SNTB1: variants seen among roughly 807,000 people sequenced by gnomAD.
SNTB1 encodes beta-1-syntrophin.
In SNTB1, 36 loss-of-function variants were observed where a neutral mutation model predicts 48.9. The observed-to-expected ratio is 0.74, with a 90% confidence interval of 0.56 to 0.97. The LOEUF (loss-of-function observed/expected upper bound fraction) is 0.97, where lower values mean the gene tolerates loss of function less well. Ranked by LOEUF, SNTB1 falls within the 50% of genes least tolerant of loss-of-function variation. SNTB1 has a pLI of 0.00. For synonymous variants in SNTB1, 299 were observed against 294.6 expected, an observed-to-expected ratio of 1.01 and a Z score of -0.15; for missense variants, 786 against 703.4, an observed-to-expected ratio of 1.12 and a Z score of -1.33.
intron 2 of SNTB1, among the ~76,000 whole-genome samples, chr8:120,683,708 C>T (rs78473641): frequency 1.3e-5 from 2 of 152,156 alleles, no homozygotes; most frequent in Non-Finnish European, 2.9e-5. Flanking sequence ...TTAAAAATGT[C>T]TGTGAAAGAA....
At chr8:120,747,533 C>T (rs768066915) in intron 1 of SNTB1, among the ~76,000 whole-genome samples, 6 of 152,124 alleles carry the variant, frequency 3.9e-5, no homozygotes, top group South Asian at 2.1e-4. Context: ...TCTATTGATC[C>T]GCCTGCCTCA....
At chr8:120,598,635 T>C (rs1388519595) in intron 3 of SNTB1, among the ~76,000 whole-genome samples, 1 of 152,158 alleles carries the variant, frequency 6.6e-6, no homozygotes, top group East Asian at 1.9e-4. Context: ...CTGTAACACA[T>C]TACCATAAAC....
chr8:120,793,541 T>C (rs1050555968), intron 1 of SNTB1, among the ~76,000 whole-genome samples: 24 of 152,158 alleles, frequency 1.6e-4, no homozygotes, highest in Non-Finnish European at 2.8e-4. Context: ...TCTATCAGGA[T>C]ACAATCTATG....
intron 2 of SNTB1, among the ~76,000 whole-genome samples, chr8:120,676,718 A>C (rs988315536): frequency 5.3e-5 from 8 of 152,168 alleles, no homozygotes; most frequent in African/African-American, 1.7e-4. Flanking sequence ...GATAACTAGG[A>C]AAAAAATGAC....
chr8:120,792,744 T>A (rs1037095028), intron 1 of SNTB1, among the ~76,000 whole-genome samples: 6 of 152,010 alleles, frequency 3.9e-5, no homozygotes, highest in Non-Finnish European at 7.4e-5. Context: ...GGATTTTATT[T>A]TACGAAAAGG....
intron 1 of SNTB1, among the ~76,000 whole-genome samples, chr8:120,741,909 T>C (rs1414710845): frequency 6.6e-6 from 1 of 152,220 alleles, no homozygotes; most frequent in Non-Finnish European, 1.5e-5. Flanking sequence ...CCATAAAGAC[T>C]GTATGTGACA....
At chr8:120,636,679 T>C (rs1032953278) in intron 2 of SNTB1, among the ~76,000 whole-genome samples, 1 of 151,368 alleles carries the variant, frequency 6.6e-6, no homozygotes, top group Non-Finnish European at 1.5e-5. Context: ...TCTTTGCTAT[T>C]GTGAATAATG....
At chr8:120,541,165 C>A (rs1249297353) in intron 6 of SNTB1, 1 of 152,142 alleles carries the variant, frequency 6.6e-6, no homozygotes, top group Non-Finnish European at 1.5e-5. Context: ...CAGGCAGAAA[C>A]CATCTCAGGA....
intron 1 of SNTB1, among the ~76,000 whole-genome samples, chr8:120,786,762 CT>C (rs934508762): frequency 6.6e-6 from 1 of 152,152 alleles, no homozygotes; most frequent in Non-Finnish European, 1.5e-5. Context: ...TCCCTTCCCC[CT>C]GAAATACCTC....
chr8:120,563,420 G>A (rs79570353), intron 4 of SNTB1, among the ~76,000 whole-genome samples: 1,987 of 152,096 alleles, frequency 0.013, 53 homozygotes, highest in African/African-American at 0.046. Context: ...CTTCCTGAGC[G>A]CACTGCTATA....
chr8:120,777,215 T>C (rs963442144), intron 1 of SNTB1, among the ~76,000 whole-genome samples: 1 of 152,296 alleles, frequency 6.6e-6, no homozygotes, highest in South Asian at 2.1e-4. Flanking sequence ...CCTTACACCA[T>C]GGATAAATAG....
chr8:120,632,275 C>T (rs1432764215), intron 3 of SNTB1, among the ~76,000 whole-genome samples, 169 bp downstream of exon 3: 1 of 152,122 alleles, frequency 6.6e-6, no homozygotes, highest in African/African-American at 2.4e-5. Context: ...TTGATTAAGA[C>T]AAAACCCATG....
intron 2 of SNTB1, among the ~76,000 whole-genome samples, chr8:120,686,158 C>T (rs981574082): frequency 2.0e-5 from 3 of 152,362 alleles, no homozygotes; most frequent in South Asian, 2.1e-4. Context: ...TCTCCTTTCA[C>T]AGCATTGTAC....
intron 1 of SNTB1, among the ~76,000 whole-genome samples, chr8:120,702,760 A>T (rs1229003020): frequency 6.6e-6 from 1 of 152,208 alleles, no homozygotes; most frequent in Non-Finnish European, 1.5e-5. Flanking sequence ...CTCAAAGTTG[A>T]ATGACTACTT....
intron 2 of SNTB1, among the ~76,000 whole-genome samples, chr8:120,678,243 T>C (rs928197718): frequency 6.6e-6 from 1 of 152,176 alleles, no homozygotes; most frequent in Non-Finnish European, 1.5e-5. Flanking sequence ...TTCCTCTCCT[T>C]ATATCCCGTC....
intron 2 of SNTB1, among the ~76,000 whole-genome samples, chr8:120,648,804 C>T (rs1219818108): frequency 6.6e-6 from 1 of 152,322 alleles, no homozygotes; most frequent in Non-Finnish European, 1.5e-5. Flanking sequence ...TCAGGTACAC[C>T]AATCAGATGT....
chr8:120,663,399 CAAG>C (rs1283306732), intron 2 of SNTB1, among the ~76,000 whole-genome samples: 1 of 152,168 alleles, frequency 6.6e-6, no homozygotes, highest in African/African-American at 2.4e-5. Context: ...ATGGAATGTG[CAAG>C]AAGTTCTTTT....
chr8:120,721,075 T>A (rs1300758609), intron 1 of SNTB1, among the ~76,000 whole-genome samples: 2 of 152,194 alleles, frequency 1.3e-5, no homozygotes, highest in Non-Finnish European at 2.9e-5. Flanking sequence ...GTTAGACTTT[T>A]AGGGAAAGCT....
chr8:120,545,887 A>G (rs899433285), intron 5 of SNTB1, among the ~76,000 whole-genome samples: 1 of 152,252 alleles, frequency 6.6e-6, no homozygotes, highest in African/African-American at 2.4e-5. Flanking sequence ...GTACTTATTG[A>G]CAACAACCCT....
Sources: allele counts gnomAD v4.1 joint callset (sites outside exome capture counted in the v4.1 genomes callset), GRCh38; gene constraint gnomAD v4.1.1; transcripts MANE v1.5; gene names NCBI Gene and HGNC (gene_info 2026-07-23, HGNC 2026-07-21).